Variants in PLEKHH2 observed in about 807,000 individuals in gnomAD.
PLEKHH2 encodes the protein pleckstrin homology, MyTH4 and FERM domain containing H2, also known as pleckstrin homology domain-containing family H member 2.
A neutral mutation model predicts 187.9 loss-of-function variants in PLEKHH2; 129 were observed. That is an observed-to-expected ratio of 0.69 (90% CI 0.59 to 0.79). PLEKHH2 has a LOEUF of 0.79. Ranked by LOEUF, PLEKHH2 falls within the 30% of genes least tolerant of loss-of-function variation. The pLI, the probability that PLEKHH2 is intolerant of heterozygous loss-of-function variation, is 0.00. For missense variants in PLEKHH2, 2,076 were observed against 1,751.2 expected (o/e 1.19, Z -3.31); for synonymous variants, 686 against 605.6 (o/e 1.13, Z -1.95).
intron 1 of PLEKHH2, among the ~76,000 whole-genome samples, chr2:43,644,443 T>G (rs59383803): frequency 0.08 from 7,761 of 96,710 alleles, 322 homozygotes; most frequent in African/African-American, 0.2. Flanking sequence ...AGTAGCACAG[T>G]TGGGCTCCAT....
intron 1 of PLEKHH2, among the ~76,000 whole-genome samples, chr2:43,638,132 G>C (rs536359774): frequency 1.3e-5 from 2 of 152,276 alleles, no homozygotes; most frequent in South Asian, 4.1e-4. Context: ...GAGCTCGGCT[G>C]TTCTGGGCAG....
At chr2:43,686,428 C>A (rs1464991033) in intron 3 of PLEKHH2, among the ~76,000 whole-genome samples, 2 of 152,186 alleles carry the variant, frequency 1.3e-5, no homozygotes, top group Non-Finnish European at 1.5e-5. Flanking sequence ...AACTCCTGAC[C>A]TCAGGTGATC....
At chr2:43,764,685 G>T (rs1672557136) in intron 29 of PLEKHH2, among the ~76,000 whole-genome samples, 1 of 152,178 alleles carries the variant, frequency 6.6e-6, no homozygotes, top group African/African-American at 2.4e-5. Flanking sequence ...ATAAATAGTT[G>T]TGGCATTAAG....
chr2:43,731,782 TA>T (rs1192513074), intron 19 of PLEKHH2, among the ~76,000 whole-genome samples, 180 bp downstream of exon 19: 1 of 152,208 alleles, frequency 6.6e-6, no homozygotes, highest in Admixed American at 6.5e-5. Flanking sequence ...TATGCTTTCT[TA>T]GTGAGGATTT....
At chr2:43,706,978 A>G (rs1669689136) in intron 10 of PLEKHH2, among the ~76,000 whole-genome samples, 3 of 152,150 alleles carry the variant, frequency 2.0e-5, no homozygotes, top group Non-Finnish European at 4.4e-5. Flanking sequence ...CGGGCGGATC[A>G]CGAGGTCAGG....
intron 9 of PLEKHH2, among the ~76,000 whole-genome samples, chr2:43,705,989 G>A (rs754867730): frequency 2.6e-5 from 4 of 152,186 alleles, no homozygotes; most frequent in African/African-American, 4.8e-5. Context: ...TTACTGAATT[G>A]GTTGGTAAGC....
At chr2:43,746,914 G>A (rs1357860142) in intron 24 of PLEKHH2, among the ~76,000 whole-genome samples, 1 of 151,498 alleles carries the variant, frequency 6.6e-6, no homozygotes, top group Non-Finnish European at 1.5e-5. Context: ...AGCTTGCAGT[G>A]AGCCAAGATC....
At position 43,766,855 on chromosome 2, in the gene PLEKHH2, C is replaced by T. The variant is rs1672641775; in HGVS notation, c.*1257C>T. Reference sequence around the variant, plus strand: ...TCAAGCAATCCTCCCACCTCGGCCTCCCAAAGTGCTGGGATTGCAGGCATG... The same window carrying T: ...TCAAGCAATCCTCCCACCTCGGCCTTCCAAAGTGCTGGGATTGCAGGCATG... On this transcript the variant is annotated 3_prime_UTR_variant, in exon 30 of 30. Coordinates refer to ENST00000282406, the MANE Select transcript of PLEKHH2 (RefSeq NM_172069.4). 6.6e-6 allele frequency: 1 copy of T among 152,358 alleles called. No individual in the cohort carries two copies. Among genetic ancestry groups the T allele is most frequent in the African/African-American group, 2.4e-5 (1 of 41,444 alleles). 9.4% of individuals were successfully genotyped at this position (152,358 alleles called of 1,614,324 possible).
At chr2:43,691,401 G>C (rs768114086) in intron 3 of PLEKHH2, among the ~76,000 whole-genome samples, 15 of 152,112 alleles carry the variant, frequency 9.9e-5, no homozygotes, top group Non-Finnish European at 2.1e-4. Context: ...TTGTGAGTAA[G>C]CAAAAAAGGT....
chr2:43,707,313 G>A, intron 10 of PLEKHH2, 88 bp from the exon 11 acceptor site: 1 of 1,497,240 alleles, frequency 6.7e-7, no homozygotes, highest in Admixed American at 1.8e-5. Context: ...CTTTTCTTTA[G>A]GAGGCGACCC....
At chr2:43,655,963 G>GTT (rs1666737700) in intron 2 of PLEKHH2, among the ~76,000 whole-genome samples, 2 of 106,430 alleles carry the variant, frequency 1.9e-5, no homozygotes, top group Non-Finnish European at 4.2e-5. Flanking sequence ...GTATCTTAGT[G>GTT]ATTTTTTTTT....
At chr2:43,643,308 T>C (rs957557805) in intron 1 of PLEKHH2, among the ~76,000 whole-genome samples, 1 of 152,140 alleles carries the variant, frequency 6.6e-6, no homozygotes, top group Non-Finnish European at 1.5e-5. Context: ...TATGTTTCCT[T>C]TAAATTAAGG....
chr2:43,644,701 C>G lies in PLEKHH2; in HGVS notation c.28C>G (p.Pro10Ala), dbSNP rs1407343280. 2 of 1,604,700 alleles carry G rather than the reference C, an allele frequency of 1.2e-6. No homozygotes were observed. Among genetic ancestry groups the G allele is most frequent in the Middle Eastern group, 1.7e-4 (1 of 6,024 alleles). The change falls in exon 2 of 30, where the codon CCA (proline) becomes GCA (alanine). Residue 10 changes from proline (P) to alanine (A), a missense_variant. By Grantham distance (27) the Pro-to-Ala change is conservative. Transcript: ENST00000282406. ...GGCAGAGCTTTCTGAGCCAGAGGGACCAGTAGATTGGAAGGAACGATGTGT... is the reference window on the plus strand; with the variant it reads ...GGCAGAGCTTTCTGAGCCAGAGGGAGCAGTAGATTGGAAGGAACGATGTGT... MAELSEPEG[P>A]VDWKERCVAL...
chr2:43,676,754 TA>T (rs1667819906), intron 2 of PLEKHH2, among the ~76,000 whole-genome samples: 1 of 152,116 alleles, frequency 6.6e-6, no homozygotes. Flanking sequence ...ATTCTCCTTA[TA>T]ATATTCGTTT....
chr2:43,731,539 C>A lies in PLEKHH2; in HGVS notation c.2880C>A (p.Ile960=). 4 of 1,607,204 alleles carry A rather than the reference C, an allele frequency of 2.5e-6. No individual in the cohort carries two copies. The South Asian group carries it at 3.3e-5, about 13-fold the overall frequency. Residue 960 remains isoleucine, a synonymous_variant, in exon 19 of 30, where the codon ATC becomes ATA. Coordinates refer to ENST00000282406, the MANE Select transcript of PLEKHH2 (RefSeq NM_172069.4). ...CTTTGTGTCACAGTAAAGAAGGAAT[C>A]ATTTCCCCTCTGACAACTCTACCTT... ...HPTLCHSKEG[I]ISPLTTLPSE...
intron 2 of PLEKHH2, among the ~76,000 whole-genome samples, chr2:43,647,423 A>T (rs1666233823): frequency 1.3e-5 from 2 of 152,334 alleles, no homozygotes; most frequent in Non-Finnish European, 2.9e-5. Context: ...CTGAAGGCTT[A>T]GCTATCAGCC....
chr2:43,730,400 G>C (rs183477361), intron 18 of PLEKHH2, among the ~76,000 whole-genome samples: 1 of 152,110 alleles, frequency 6.6e-6, no homozygotes, highest in South Asian at 2.1e-4. Context: ...TTGAAATTAA[G>C]TTTTTGTTTT....
At chr2:43,695,317 T>A (rs1481356698) in intron 6 of PLEKHH2, 93 bp downstream of exon 6, 1 of 582,736 alleles carries the variant, frequency 1.7e-6, no homozygotes, top group Non-Finnish European at 2.8e-6. Context: ...ATTATGGATG[T>A]CATCCAAGAA....
Position 43,726,269 on chromosome 2 carries a change from T to G in PLEKHH2, c.2542-3T>G. 1 of 1,587,886 alleles carries G rather than the reference T, an allele frequency of 6.3e-7. No individual in the cohort carries two copies. The highest frequency in any genetic ancestry group is 8.6e-7 in the Non-Finnish European group (1 of 1,159,870). On this transcript the variant is annotated splice_region_variant and splice_polypyrimidine_tract_variant and intron_variant, in intron 16 of 29. Transcript: ENST00000282406. ...TCCTCACAATTACTAATATTTACTT[T>G]AGTTTCCTTTAGGTCAGATCAAACT... is the stretch of plus-strand genomic sequence containing the variant.
Sources: allele counts gnomAD v4.1 joint callset (sites outside exome capture counted in the v4.1 genomes callset), GRCh38; gene constraint gnomAD v4.1.1; transcripts MANE v1.5; gene names NCBI Gene and HGNC (gene_info 2026-07-23, HGNC 2026-07-21).